CNTN6: variants seen among roughly 807,000 people sequenced by gnomAD.
The protein encoded by CNTN6 is contactin-6.
Under a neutral mutation model 122.8 loss-of-function variants are expected in CNTN6, and 137 were observed. That is an observed-to-expected ratio of 1.12 (90% confidence interval 0.97 to 1.29). The LOEUF (loss-of-function observed/expected upper bound fraction) is 1.29. Ranked by LOEUF, CNTN6 falls within the 50% of genes most tolerant of loss-of-function variation. The probability of loss-of-function intolerance (pLI) is 0.00; values close to 1 mark genes in which losing one functional copy is unlikely to be tolerated. For missense variants in CNTN6, 1,634 were observed against 1,223.4 expected, an observed-to-expected ratio of 1.34 and a Z score of -5.01; for synonymous variants, 570 against 426.0, an observed-to-expected ratio of 1.34 and a Z score of -4.16.
At chr3:1,227,715 T>A in intron 3 of CNTN6, 103 bp from the exon 4 acceptor site, 1 of 1,222,918 alleles carries the variant, frequency 8.2e-7, no homozygotes, top group Non-Finnish European at 1.2e-6. Flanking sequence ...ATCATGTTTT[T>A]TGGTGTTTTT....
intron 5 of CNTN6, among the ~76,000 whole-genome samples, chr3:1,293,335 G>C (rs899530): frequency 1.4e-5 from 2 of 146,192 alleles, no homozygotes; most frequent in African/African-American, 2.5e-5. Context: ...TTTTTTTCTC[G>C]ATGGAAGGGA....
intron 1 of CNTN6, among the ~76,000 whole-genome samples, chr3:1,095,960 G>A (rs993194225): frequency 6.6e-6 from 1 of 151,996 alleles, no homozygotes; most frequent in Non-Finnish European, 1.5e-5. Flanking sequence ...TATTTTTTGG[G>A]TTGTTAGATT....
At chr3:1,160,367 T>TATATATATATATATATATATATATATAC (rs1491110079) in intron 2 of CNTN6, among the ~76,000 whole-genome samples, 22 of 112,508 alleles carry the variant, frequency 2.0e-4, no homozygotes, top group Admixed American at 5.5e-4. Context: ...TATATATATA[T>TATATATATATATATATATATATATATAC]ACACACTACC....
intron 8 of CNTN6, among the ~76,000 whole-genome samples, chr3:1,323,938 A>T (rs1701201451): frequency 7.2e-6 from 1 of 139,752 alleles, no homozygotes; most frequent in Non-Finnish European, 1.5e-5. Flanking sequence ...ATAAAATCAG[A>T]TATATCTGAA....
At chr3:1,220,990 C>A (rs1278952399) in intron 3 of CNTN6, among the ~76,000 whole-genome samples, 177 bp downstream of exon 3, 1 of 152,162 alleles carries the variant, frequency 6.6e-6, no homozygotes, top group Non-Finnish European at 1.5e-5. Flanking sequence ...ATTTCCAGTA[C>A]CCCAGGGTAT....
intron 4 of CNTN6, among the ~76,000 whole-genome samples, chr3:1,266,295 C>T (rs934414018): frequency 8.6e-5 from 13 of 151,994 alleles, no homozygotes; most frequent in Admixed American, 5.2e-4. Flanking sequence ...AAGAAAATGC[C>T]GATTGCAGCT....
In CNTN6 at chr3:1,243,212, C is replaced by G. The variant is rs113341831; in HGVS notation, c.358+15219C>G. On this transcript the variant is annotated intron_variant, in intron 4 of 22. Coordinates refer to ENST00000446702, the MANE Select transcript of CNTN6 (RefSeq NM_001289080.2). ...TCCTGCACAGATGGGACGCGGCTTACGAGGAATCCTGAGCTGCGGGCATTC... is the reference window on the plus strand; with the variant it reads ...TCCTGCACAGATGGGACGCGGCTTAGGAGGAATCCTGAGCTGCGGGCATTC... Among the ~76,000 whole-genome samples the G allele has an allele frequency of 8.3e-3, 1,259 of 151,986 alleles. 13 individuals are homozygous for G. The highest frequency in any genetic ancestry group is 0.029 in the African/African-American group (1,194 of 41,470).
intron 2 of CNTN6, among the ~76,000 whole-genome samples, chr3:1,200,749 A>G (rs1294758608): frequency 6.6e-6 from 1 of 152,164 alleles, no homozygotes; most frequent in Admixed American, 6.5e-5. Flanking sequence ...TCATTCTTTA[A>G]GGAGGCTCAA....
At chr3:1,124,786 C>G (rs17492189) in intron 1 of CNTN6, among the ~76,000 whole-genome samples, 7,585 of 151,972 alleles carry the variant, frequency 0.05, 221 homozygotes, top group South Asian at 0.067. Flanking sequence ...GCCACTTCCT[C>G]CATGAAGATT....
Position 1,325,878 on chromosome 3 carries a change from G to A in CNTN6, c.1010G>A (p.Trp337Ter), listed in dbSNP as rs1346394281. ...THLSIYDNLL[W>*]ECKASGKPNP... ...CTCTCTATCTATGACAACTTGCTCT[G>A]GGAATGTAAAGCTAGTGGAAAGCCA... The change falls in exon 9 of 23, where the codon TGG becomes TAG. Residue 337 changes from tryptophan to a stop codon, truncating the protein, a stop_gained. Coordinates refer to ENST00000446702, the MANE Select transcript of CNTN6 (RefSeq NM_001289080.2). LOFTEE classifies it high-confidence loss of function. The A allele has an allele frequency of 6.2e-7, 1 of 1,611,898 alleles. No homozygotes were observed. Among genetic ancestry groups the A allele is most frequent in the Non-Finnish European group, 8.5e-7 (1 of 1,178,682 alleles).
intron 17 of CNTN6, among the ~76,000 whole-genome samples, chr3:1,379,878 G>A (rs556411235): frequency 6.6e-6 from 1 of 152,234 alleles, no homozygotes; most frequent in South Asian, 2.1e-4. Context: ...TCATACATTA[G>A]GATGAATCTG....
At chr3:1,379,963 G>C (rs1026410254) in intron 17 of CNTN6, among the ~76,000 whole-genome samples, 1 of 152,122 alleles carries the variant, frequency 6.6e-6, no homozygotes, top group African/African-American at 2.4e-5. Context: ...CCTATCAGTG[G>C]AATACAAAAA....
Position 1,258,775 on chromosome 3 carries a change from A to C in CNTN6, c.359-19638A>C, listed in dbSNP as rs79672326. On this transcript the variant is annotated intron_variant, in intron 4 of 22. Coordinates refer to ENST00000446702, the MANE Select transcript of CNTN6 (RefSeq NM_001289080.2). ...TTTTATCTGCTCCATGGGGACAGCT[A>C]CCTTTTTCTTAGAGTGCTTCCATTT... 2.0e-3 allele frequency among the ~76,000 whole-genome samples: 302 copies of C among 152,138 alleles called. 4 individuals are homozygous for C. Among genetic ancestry groups the C allele is most frequent in the African/African-American group, 7.0e-3 (291 of 41,516 alleles).
At chr3:1,293,877 A>G (rs1156793462) in intron 5 of CNTN6, among the ~76,000 whole-genome samples, 2 of 152,194 alleles carry the variant, frequency 1.3e-5, no homozygotes, top group African/African-American at 4.8e-5. Context: ...TTCAGGAAGA[A>G]TTATATTCAC....
intron 20 of CNTN6, among the ~76,000 whole-genome samples, chr3:1,399,904 T>C (rs914685082): frequency 6.6e-6 from 1 of 152,122 alleles, no homozygotes; most frequent in African/African-American, 2.4e-5. Flanking sequence ...CTAAGCCTCA[T>C]GTAAGCATAC....
intron 4 of CNTN6, among the ~76,000 whole-genome samples, chr3:1,251,079 T>A (rs2094659388): frequency 6.6e-6 from 1 of 152,224 alleles, no homozygotes; most frequent in African/African-American, 2.4e-5. Flanking sequence ...ATTCTCTGCA[T>A]AATACTCCTG....
At chr3:1,237,934 A>G (rs182544349) in intron 4 of CNTN6, among the ~76,000 whole-genome samples, 244 of 152,212 alleles carry the variant, frequency 1.6e-3, no homozygotes, top group Non-Finnish European at 1.6e-3. Context: ...ATACACAAAA[A>G]TAGAACCTCC....
At chr3:1,274,332 G>A (rs1257578348) in intron 4 of CNTN6, among the ~76,000 whole-genome samples, 2 of 152,146 alleles carry the variant, frequency 1.3e-5, no homozygotes, top group African/African-American at 2.4e-5. Context: ...AAGAAGAAAG[G>A]AAGCATATTT....
intron 2 of CNTN6, among the ~76,000 whole-genome samples, chr3:1,187,259 AG>A (rs1156372584): frequency 1.3e-5 from 2 of 151,758 alleles, no homozygotes; most frequent in Non-Finnish European, 2.9e-5. Flanking sequence ...AACCCACACC[AG>A]TTCTATCCAT....
Sources: gnomAD v4.1 joint callset for allele counts (sites outside exome capture counted in the v4.1 genomes callset) on GRCh38, gnomAD v4.1.1 for gene constraint, MANE v1.5 for transcripts, NCBI Gene and HGNC (gene_info 2026-07-23, HGNC 2026-07-21) for gene names.